The following ATOSA variants were observed in gnomAD, a reference collection of about 807,000 sequenced individuals.
The protein encoded by ATOSA is atos homolog A, also known as atos homolog protein A.
chr15:52,605,300 A>C, the ATOSA span: 1 of 1,291,742 alleles, frequency 7.7e-7, no homozygotes, highest in Non-Finnish European at 1.1e-6. Flanking sequence ...CATTTAAAGA[A>C]CTTGGACAGT....
At chr15:52,644,543 T>A in the ATOSA span, among the ~76,000 whole-genome samples, 3 of 152,180 alleles carry the variant, frequency 2.0e-5, no homozygotes, top group Admixed American at 2.0e-4. Context: ...CATGAACAGG[T>A]AGGCACTCAA....
At chr15:52,608,552 A>T in the ATOSA span, 1 of 1,538,104 alleles carries the variant, frequency 6.5e-7, no homozygotes, top group Non-Finnish European at 8.7e-7. Context: ...CATTTGACAT[A>T]TTAGATGTTA....
At chr15:52,708,598 A>G in the ATOSA span, among the ~76,000 whole-genome samples, 679 of 152,278 alleles carry the variant, frequency 4.5e-3, 8 homozygotes, top group East Asian at 0.017. Flanking sequence ...CTACCTTGCA[A>G]AACTGTTGGG....
the ATOSA span, among the ~76,000 whole-genome samples, chr15:52,596,346 G>A: frequency 7.2e-5 from 11 of 152,128 alleles, no homozygotes; most frequent in African/African-American, 2.7e-4. Context: ...AAAAGATAAA[G>A]GAGCTAGAAT....
the ATOSA span, among the ~76,000 whole-genome samples, chr15:52,637,218 A>G: frequency 5.3e-5 from 8 of 152,214 alleles, no homozygotes; most frequent in African/African-American, 1.9e-4. Flanking sequence ...AGTACATCAA[A>G]GACTGAATTA....
the ATOSA span, among the ~76,000 whole-genome samples, chr15:52,676,025 TAAC>T: frequency 1.3e-5 from 2 of 152,002 alleles, no homozygotes; most frequent in South Asian, 2.1e-4. Flanking sequence ...ATAAATATAT[TAAC>T]AACAAAAACT....
At chr15:52,655,780 T>TAA in the ATOSA span, among the ~76,000 whole-genome samples, 1 of 152,116 alleles carries the variant, frequency 6.6e-6, no homozygotes, top group South Asian at 2.1e-4. Flanking sequence ...AAAGACCCCT[T>TAA]AAAGCAGCAA....
At chr15:52,609,330 T>G in the ATOSA span, 1 of 1,613,978 alleles carries the variant, frequency 6.2e-7, no homozygotes, top group South Asian at 1.1e-5. Flanking sequence ...TCAACAAATT[T>G]TTGTCTTCAT....
chr15:52,592,262 G>A, the ATOSA span, among the ~76,000 whole-genome samples: 1 of 152,148 alleles, frequency 6.6e-6, no homozygotes, highest in Non-Finnish European at 1.5e-5. Flanking sequence ...GGAAATTCAA[G>A]CAGCAAGACT....
chr15:52,653,767 G>A, the ATOSA span, among the ~76,000 whole-genome samples: 1 of 152,186 alleles, frequency 6.6e-6, no homozygotes, highest in African/African-American at 2.4e-5. Context: ...CAAAATGACT[G>A]GTTTAATGAC....
chr15:52,666,155 A>C, the ATOSA span, among the ~76,000 whole-genome samples: 4 of 152,122 alleles, frequency 2.6e-5, no homozygotes, highest in Non-Finnish European at 5.9e-5. Flanking sequence ...TCATATTACT[A>C]GTGTAATTTT....
chr15:52,582,766 T>C, the ATOSA span, among the ~76,000 whole-genome samples: 1 of 152,140 alleles, frequency 6.6e-6, no homozygotes, highest in Non-Finnish European at 1.5e-5. Context: ...GATAAAAAAC[T>C]GCTATAATCA....
the ATOSA span, among the ~76,000 whole-genome samples, chr15:52,695,137 C>A: frequency 6.6e-6 from 1 of 152,036 alleles, no homozygotes; most frequent in South Asian, 2.1e-4. Flanking sequence ...ATTGGCCAGG[C>A]TGGTCTTGAA....
At chr15:52,676,126 G>C in the ATOSA span, among the ~76,000 whole-genome samples, 2 of 152,186 alleles carry the variant, frequency 1.3e-5, no homozygotes, top group South Asian at 2.1e-4. Context: ...CAAACCAGAA[G>C]CGTGAACATT....
At chr15:52,650,582 A>G in the ATOSA span, among the ~76,000 whole-genome samples, 1 of 152,240 alleles carries the variant, frequency 6.6e-6, no homozygotes, top group African/African-American at 2.4e-5. Context: ...CTCTTTAAAG[A>G]AAAGAAATAT....
At chr15:52,630,117 T>C in the ATOSA span, among the ~76,000 whole-genome samples, 7 of 152,158 alleles carry the variant, frequency 4.6e-5, no homozygotes, top group African/African-American at 1.4e-4. Context: ...CTTTCAAACA[T>C]CCCAAAGTAG....
chr15:52,702,446 C>T, the ATOSA span, among the ~76,000 whole-genome samples: 7 of 152,208 alleles, frequency 4.6e-5, no homozygotes, highest in South Asian at 4.1e-4. Context: ...AACAAAATCA[C>T]GTCCTTTGCA....
the ATOSA span, chr15:52,609,685 C>G: frequency 6.2e-7 from 1 of 1,613,582 alleles, no homozygotes; most frequent in Non-Finnish European, 8.5e-7. Flanking sequence ...TTGTGAAACC[C>G]GGAAAAGTTT....
chr15:52,631,554 A>T, the ATOSA span, among the ~76,000 whole-genome samples: 6 of 152,202 alleles, frequency 3.9e-5, no homozygotes, highest in Admixed American at 1.3e-4. Context: ...AATAGGACAA[A>T]CACCTACGCC....
Sources: gnomAD v4.1 joint callset for allele counts (sites outside exome capture counted in the v4.1 genomes callset) on GRCh38, gnomAD v4.1.1 for gene constraint, MANE v1.5 for transcripts, NCBI Gene and HGNC (gene_info 2026-07-23, HGNC 2026-07-21) for gene names.